The following ATP7B variants were observed in gnomAD, a reference collection of about 807,000 sequenced individuals.
ATP7B encodes the protein ATPase copper transporting beta.
ATP7B carries 113 observed loss-of-function variants against 118.9 expected under a neutral mutation model. The observed-to-expected ratio is 0.95, with a 90% CI of 0.82 to 1.11. The LOEUF (loss-of-function observed/expected upper bound fraction) is 1.11. Among genes scored for constraint, ATP7B ranks in the 50% most tolerant of loss-of-function variants. ATP7B has a pLI of 0.00. For missense variants in ATP7B, 1,867 were observed against 1,871.4 expected, an observed-to-expected ratio of 1.00 and a Z score of 0.04; for synonymous variants, 777 against 727.4, an observed-to-expected ratio of 1.07 and a Z score of -1.10.
chr13:52,007,791 T>G (rs1953844186), intron 1 of ATP7B, among the ~76,000 whole-genome samples: 1 of 152,146 alleles, frequency 6.6e-6, no homozygotes, highest in Non-Finnish European at 1.5e-5. Context: ...TCAGGTTGGG[T>G]AATTTGCTAG....
At chr13:52,011,982 C>G (rs1346467528), upstream of ATP7B, 1 of 319,634 alleles carries the variant, frequency 3.1e-6, no homozygotes, top group Non-Finnish European at 6.0e-6. Context: ...CGCCGTGGGT[C>G]CCAAAGGAAG....
chr13:51,976,789 G>A (rs1414451128), intron 1 of ATP7B, among the ~76,000 whole-genome samples: 1 of 152,078 alleles, frequency 6.6e-6, no homozygotes, highest in Admixed American at 6.6e-5. Flanking sequence ...ACATAGAAAA[G>A]GTACAGTAAA....
rs1306091190 is a variant in ATP7B, at chr13:51,958,322, G to A, written c.2344C>T (p.His782Tyr). The A allele has an allele frequency of 6.2e-7, 1 of 1,614,200 alleles. No individual in the cohort carries two copies. Among genetic ancestry groups the A allele is most frequent in the Middle Eastern group, 1.6e-4 (1 of 6,062 alleles). Residue 782 changes from histidine (H) to tyrosine (Y), a missense_variant, in exon 8 of 21, where the codon CAC becomes TAC. Transcript: ENST00000242839. ...GAAGCTGCTGTTACCTTTGCCAAGT[G>A]TTCCAGCCACCGGCCCAGGGCAATG... Reference protein sequence around the residue: ...VFIALGRWLEHLAKSKTSEAL... With the variant: ...VFIALGRWLEYLAKSKTSEAL...
chr13:51,966,175 T>G (rs1385287459), intron 4 of ATP7B, among the ~76,000 whole-genome samples: 1 of 152,234 alleles, frequency 6.6e-6, no homozygotes, highest in African/African-American at 2.4e-5. Context: ...GCAACATGGC[T>G]GGTGCTGTCC....
At chr13:51,987,805 G>C (rs1002506763) in intron 1 of ATP7B, among the ~76,000 whole-genome samples, 2 of 151,810 alleles carry the variant, frequency 1.3e-5, no homozygotes, top group African/African-American at 4.9e-5. Context: ...AAAAGCAATG[G>C]GGAAAGGATT....
At chr13:51,940,240 C>T (rs1201924124) in intron 16 of ATP7B, among the ~76,000 whole-genome samples, 7 of 148,976 alleles carry the variant, frequency 4.7e-5, no homozygotes, top group African/African-American at 9.8e-5. Context: ...CTCGAACTCC[C>T]GACCTCAGGT....
At chr13:51,996,505 A>T (rs1198621454) in intron 1 of ATP7B, among the ~76,000 whole-genome samples, 2 of 152,186 alleles carry the variant, frequency 1.3e-5, no homozygotes, top group African/African-American at 4.8e-5. Context: ...TGTGGAATTG[A>T]ATTCAGGGTA....
chr13:51,967,105 A>G (rs1431746072), intron 4 of ATP7B: 1 of 1,596,192 alleles, frequency 6.3e-7, no homozygotes, highest in African/African-American at 1.3e-5. Flanking sequence ...GGAGTGTGTC[A>G]TGAACAATGT....
At chr13:51,945,988 C>T (rs1427365983) in intron 13 of ATP7B, among the ~76,000 whole-genome samples, 1 of 152,162 alleles carries the variant, frequency 6.6e-6, no homozygotes, top group Admixed American at 6.5e-5. Flanking sequence ...GGCGTTTGGT[C>T]AAGTTACCTA....
intron 4 of ATP7B, among the ~76,000 whole-genome samples, chr13:51,968,041 T>C (rs557497405): frequency 1.3e-4 from 20 of 152,324 alleles, no homozygotes; most frequent in African/African-American, 4.8e-4. Context: ...TTCTACCACA[T>C]GGACTTCCCT....
chr13:51,950,511 A>G, intron 9 of ATP7B, 112 bp from the exon 10 acceptor site: 1 of 1,465,812 alleles, frequency 6.8e-7, no homozygotes, highest in Non-Finnish European at 9.4e-7. Flanking sequence ...GAGCAACAGT[A>G]TTCATTTGAT....
Position 51,934,677 on chromosome 13 carries a change from C to T in ATP7B, c.*79G>A, listed in dbSNP as rs1555281934. On this transcript the variant is annotated 3_prime_UTR_variant, in exon 21 of 21. Transcript: ENST00000242839. ...CCCCAAAGCTGGAGGCTAGCTCAGC[C>T]CATCCTGCTGCTGGCTGTCCTGCTC... The T allele has an allele frequency of 1.9e-6, 3 of 1,594,758 alleles. No individual in the cohort carries two copies. Among genetic ancestry groups the T allele is most frequent in the African/African-American group, 1.3e-5 (1 of 74,676 alleles).
At chr13:51,994,377 G>A (rs1953089341) in intron 1 of ATP7B, among the ~76,000 whole-genome samples, 1 of 152,058 alleles carries the variant, frequency 6.6e-6, no homozygotes. Context: ...CTACCCAAAC[G>A]GGCAGCCACT....
intron 1 of ATP7B, among the ~76,000 whole-genome samples, chr13:51,988,911 G>T (rs565317271): frequency 3.5e-4 from 53 of 150,378 alleles, no homozygotes; most frequent in Admixed American, 3.0e-3. Context: ...TGTCGGGGGT[G>T]GGGGGGCTAG....
Position 51,950,073 on chromosome 13 carries a change from G to C in ATP7B, c.2664C>G (p.Thr888=), listed in dbSNP as rs1352578154. The C allele has an allele frequency of 1.2e-6, 2 of 1,614,138 alleles. No individual in the cohort carries two copies. The highest frequency in any genetic ancestry group is 1.3e-5 in the African/African-American group (1 of 75,012). ...CCAAAGTGGTGTCATTGCCCACGTGGGTAGCTTTAATGAGCACAGAGCCAT... is the reference window on the plus strand; with the variant it reads ...CCAAAGTGGTGTCATTGCCCACGTGCGTAGCTTTAATGAGCACAGAGCCAT... ...NAHGSVLIKA[T]HVGNDTTLAQ... The change falls in exon 11 of 21, where the codon ACC becomes ACG. Residue 888 remains threonine, a synonymous_variant. Transcript: ENST00000242839.
At chr13:51,949,878 A>T in intron 11 of ATP7B, 82 bp from the exon 12 acceptor site, 1 of 1,610,498 alleles carries the variant, frequency 6.2e-7, no homozygotes, top group Non-Finnish European at 8.5e-7. Context: ...AAAGATTGGG[A>T]TAATCTCCTT....
chr13:51,990,909 G>C (rs1165279423), intron 1 of ATP7B, among the ~76,000 whole-genome samples: 43 of 152,180 alleles, frequency 2.8e-4, no homozygotes, highest in Admixed American at 2.8e-3. Flanking sequence ...ACAACACGGT[G>C]AAACCTCATC....
At chr13:52,000,753 G>C (rs1953455206) in intron 1 of ATP7B, among the ~76,000 whole-genome samples, 2 of 152,186 alleles carry the variant, frequency 1.3e-5, no homozygotes, top group Admixed American at 1.3e-4. Flanking sequence ...AGGTGCAGGG[G>C]CTCATGCCTG....
At chr13:51,957,781 T>A in intron 8 of ATP7B, 174 bp from the exon 9 acceptor site, 1 of 656,238 alleles carries the variant, frequency 1.5e-6, no homozygotes. Flanking sequence ...CATGGCCACA[T>A]GTCACTTCCA....
Sources: gnomAD v4.1 joint callset for allele counts (sites outside exome capture counted in the v4.1 genomes callset) on GRCh38, gnomAD v4.1.1 for gene constraint, MANE v1.5 for transcripts, NCBI Gene and HGNC (gene_info 2026-07-23, HGNC 2026-07-21) for gene names.